The following ACOT11 variants were observed in gnomAD, a reference collection of about 807,000 sequenced individuals.
The protein encoded by ACOT11 is acyl-coenzyme A thioesterase 11.
ACOT11 carries 69 observed loss-of-function variants against 77.5 expected under a neutral mutation model. The ratio of observed to expected loss-of-function variants is 0.89; its 90% CI spans 0.73 to 1.09. ACOT11 has a LOEUF of 1.09. Among genes scored for constraint, ACOT11 ranks in the 50% least tolerant of loss-of-function variants. ACOT11 has a pLI of 0.00. For synonymous variants in ACOT11, 279 were observed against 313.0 expected (o/e 0.89, Z 1.15); for missense variants, 766 against 813.7 (o/e 0.94, Z 0.71).
intron 1 of ACOT11, among the ~76,000 whole-genome samples, chr1:54,564,507 C>T (rs1165009801): frequency 2.0e-5 from 3 of 152,230 alleles, no homozygotes; most frequent in Non-Finnish European, 2.9e-5. Flanking sequence ...GGCCCTGTGC[C>T]AGACGTGGAC....
intron 1 of ACOT11, among the ~76,000 whole-genome samples, chr1:54,548,819 G>T (rs3753013): frequency 0.24 from 36,017 of 151,924 alleles, 5,097 homozygotes; most frequent in African/African-American, 0.37. Flanking sequence ...AGAACCTCTT[G>T]GGGAGAGCAA....
In ACOT11 at chr1:54,593,951, A is replaced by G. The variant is rs767765385; in HGVS notation, c.383A>G (p.Gln128Arg). 6.2e-7 allele frequency: 1 copy of G among 1,614,052 alleles called. No individual in the cohort carries two copies. Among genetic ancestry groups the G allele is most frequent in the Admixed American group, 1.7e-5 (1 of 60,000 alleles). ...AFNSSMEVGIQVASEDLCSEK... is the reference protein window; with the variant it reads ...AFNSSMEVGIRVASEDLCSEK... ...ACTGTTCCTCTCCAGGTGGGCATCC[A>G]GGTGGCCTCGGAGGACCTGTGCTCT... The change falls in exon 5 of 16, where the codon CAG becomes CGG. Residue 128 changes from glutamine to arginine, a missense_variant. By Grantham distance (43) the Gln-to-Arg change is conservative (BLOSUM62 1). Transcript: ENST00000343744.
intron 1 of ACOT11, among the ~76,000 whole-genome samples, chr1:54,568,752 A>G (rs1017726923): frequency 1.3e-5 from 2 of 151,616 alleles, no homozygotes; most frequent in Non-Finnish European, 2.9e-5. Context: ...TTTTATTTTT[A>G]TTTTATTTTT....
In ACOT11 at chr1:54,584,837, G is replaced by T; in HGVS notation, c.216G>T (p.Trp72Cys). ...TGAGCGTCGGGCAGCTGCTCAAGTG[G>T]ATTGACACCACGGCTTGCCTGTCCG... is the stretch of plus-strand genomic sequence containing the variant. ...GELSVGQLLK[W>C]IDTTACLSAE... is the part of the protein sequence containing the mutation. Residue 72 changes from tryptophan (W) to cysteine (C), a missense_variant, in exon 2 of 16, where the codon TGG becomes TGT. Coordinates refer to ENST00000343744, the MANE Select transcript of ACOT11 (RefSeq NM_147161.4). The surrounding 1 kb of genome is among the most constrained non-coding windows in gnomAD (Gnocchi z 6.3). The T allele has an allele frequency of 1.2e-6, 2 of 1,613,894 alleles. No individual in the cohort carries two copies. The highest frequency in any genetic ancestry group is 1.7e-6 in the Non-Finnish European group (2 of 1,179,966).
intron 1 of ACOT11, among the ~76,000 whole-genome samples, chr1:54,559,593 C>CTT (rs34859193): frequency 6.9e-6 from 1 of 145,824 alleles, no homozygotes; most frequent in Non-Finnish European, 1.5e-5. Context: ...GAATAGTTTT[C>CTT]TTTTTTTTTT....
chr1:54,632,763 G>C (rs1321721101), intron 16 of ACOT11, among the ~76,000 whole-genome samples: 1 of 152,174 alleles, frequency 6.6e-6, no homozygotes, highest in Non-Finnish European at 1.5e-5. Flanking sequence ...ACTCATTTCT[G>C]TACAGCACTG....
At chr1:54,623,556 C>T (rs976528730) in intron 15 of ACOT11, 6 of 630,840 alleles carry the variant, frequency 9.5e-6, no homozygotes, top group African/African-American at 1.8e-5. Flanking sequence ...CTGGAGATAA[C>T]CCCTGAAGCC....
chr1:54,612,771 G>A (rs191544668), downstream of ACOT11: 6,339 of 1,305,714 alleles, frequency 4.9e-3, 32 homozygotes, highest in Non-Finnish European at 5.7e-3. Flanking sequence ...CTCTCCTCTG[G>A]GGTCTCATCA....
exon 16 of ACOT11, chr1:54,630,745 T>C: frequency 1.3e-6 from 1 of 743,468 alleles, no homozygotes; most frequent in Non-Finnish European, 2.5e-6. Context: ...GCTGCTGGGT[T>C]AGGGTCTCCC....
chr1:54,635,655 A>G (rs1644326557), exon 17 of ACOT11: 2 of 172,340 alleles, frequency 1.2e-5, no homozygotes, highest in Non-Finnish European at 2.4e-5. Context: ...AAATGGGTAA[A>G]AACACTTGGA....
At chr1:54,610,713 G>T, downstream of ACOT11, 1 of 980,014 alleles carries the variant, frequency 1.0e-6, no homozygotes. Flanking sequence ...TAGACTAGAA[G>T]AAGTGACTTG....
downstream of ACOT11, chr1:54,611,712 G>T (rs759552783): frequency 7.4e-6 from 12 of 1,614,014 alleles, no homozygotes; most frequent in Non-Finnish European, 1.0e-5. Flanking sequence ...CCGACATGGG[G>T]TCCGAGGCAG....
In ACOT11 at chr1:54,602,701, C is replaced by T. The variant is rs1450021539; in HGVS notation, c.1062C>T (p.Ala354=). 2 of 1,557,004 alleles carry T rather than the reference C, an allele frequency of 1.3e-6. No homozygotes were observed. Among genetic ancestry groups the T allele is most frequent in the Admixed American group, 4.0e-5 (2 of 49,900 alleles). The change falls in exon 10 of 16, where the codon GCC becomes GCT. Residue 354 remains alanine (A), a synonymous_variant. Transcript: ENST00000343744. ...DGERRYREAS[A]RKKIRLDRKY... Reference sequence around the variant, plus strand: ...AGCGGCGGTACCGAGAGGCCAGTGCCAGAAAGAAGATCCGCCTGGACAGGT... The same window carrying T: ...AGCGGCGGTACCGAGAGGCCAGTGCTAGAAAGAAGATCCGCCTGGACAGGT...
At chr1:54,576,459 C>A (rs1238340150) in intron 1 of ACOT11, among the ~76,000 whole-genome samples, 1 of 138,602 alleles carries the variant, frequency 7.2e-6, no homozygotes, top group Non-Finnish European at 1.5e-5. Context: ...GTCACCCCCA[C>A]TGCACTCCAG....
In ACOT11 at chr1:54,609,664, G is replaced by A. The variant is rs1158085092; in HGVS notation, c.*552G>A. 6.2e-7 allele frequency: 1 copy of A among 1,613,986 alleles called. No homozygotes were observed. Among genetic ancestry groups the A allele is most frequent in the Admixed American group, 1.7e-5 (1 of 60,034 alleles). ...GCTCTCTGCCAGCCACATGGCCGGG[G>A]ACCGAAAAACTCCCGTGGGAGATTT... On this transcript the variant is annotated 3_prime_UTR_variant, in exon 16 of 16. Coordinates refer to ENST00000343744, the MANE Select transcript of ACOT11 (RefSeq NM_147161.4).
intron 1 of ACOT11, among the ~76,000 whole-genome samples, chr1:54,562,835 T>C (rs1447793949): frequency 9.2e-6 from 1 of 108,468 alleles, no homozygotes; most frequent in Non-Finnish European, 1.9e-5. Flanking sequence ...CGCTCCTCAC[T>C]TCCTAGATGT....
Position 54,623,431 on chromosome 1 carries a change from C to T in ACOT11, c.1630-7303C>T, listed in dbSNP as rs576301479. On this transcript the variant is annotated intron_variant, in intron 15 of 16. Coordinates refer to the ACOT11 transcript ENST00000371316. ...TCTGGGGAATGCCCCCAACTCCGTG[C>T]GGCCCAGAGTCCCTGAGGCTCCCTG... 2.8e-5 allele frequency: 42 copies of T among 1,522,740 alleles called. No individual in the cohort carries two copies. The East Asian group carries it at 5.4e-4, about 20-fold the overall frequency. The allele number at this position is 1,522,740 out of a possible 1,614,324, so 94.3% of individuals were successfully genotyped here.
At chr1:54,585,580 G>C (rs1023448966) in intron 2 of ACOT11, among the ~76,000 whole-genome samples, 1 of 152,158 alleles carries the variant, frequency 6.6e-6, no homozygotes, top group South Asian at 2.1e-4. Flanking sequence ...AACAAGACAG[G>C]CAAAAATCCT....
At chr1:54,623,946 C>T (rs566605366) in intron 15 of ACOT11, among the ~76,000 whole-genome samples, 5 of 152,318 alleles carry the variant, frequency 3.3e-5, no homozygotes, top group South Asian at 2.1e-4. Context: ...ATTAGATCTG[C>T]GTAAGGGGCA....
Sources: gnomAD v4.1 joint callset for allele counts (sites outside exome capture counted in the v4.1 genomes callset) on GRCh38, gnomAD v4.1.1 for gene constraint, Gnocchi (gnomAD v3.1) non-coding constraint, MANE v1.5 for transcripts, NCBI Gene and HGNC (gene_info 2026-07-23, HGNC 2026-07-21) for gene names.